EXOC6B: variants seen among roughly 807,000 people sequenced by gnomAD.
EXOC6B encodes the protein exocyst complex component 6B.
A neutral mutation model predicts 113.5 loss-of-function variants in EXOC6B; 54 were observed. The observed-to-expected ratio is 0.48, with a 90% CI of 0.38 to 0.60. The LOEUF (loss-of-function observed/expected upper bound fraction) is 0.60. Among genes scored for constraint, EXOC6B ranks in the 20% least tolerant of loss-of-function variants. EXOC6B has a pLI of 0.00. For missense variants in EXOC6B, 797 were observed against 977.5 expected, an observed-to-expected ratio of 0.82 and a Z score of 2.46; for synonymous variants, 357 against 339.0, an observed-to-expected ratio of 1.05 and a Z score of -0.58.
At chr2:72,507,833 G>C (rs1390342962) in intron 11 of EXOC6B, among the ~76,000 whole-genome samples, 2 of 151,780 alleles carry the variant, frequency 1.3e-5, no homozygotes, top group African/African-American at 2.4e-5. Context: ...AAAGTGTCCT[G>C]CTCTTAATAG....
chr2:72,753,388 C>G (rs976961621), intron 1 of EXOC6B, among the ~76,000 whole-genome samples: 3 of 152,186 alleles, frequency 2.0e-5, no homozygotes, highest in Admixed American at 2.0e-4. Context: ...CTCACTTCAC[C>G]TCACACCTCC....
intron 1 of EXOC6B, among the ~76,000 whole-genome samples, chr2:72,808,602 T>C (rs1559019648): frequency 6.6e-6 from 1 of 151,964 alleles, no homozygotes; most frequent in African/African-American, 2.4e-5. Flanking sequence ...CTACAACAAA[T>C]AAACTAATTA....
Position 72,685,843 on chromosome 2 carries a change from A to G in EXOC6B, c.669+32260T>C, listed in dbSNP as rs79685966. On this transcript the variant is annotated intron_variant, in intron 6 of 21. Transcript: ENST00000272427. ...AGGACATGTTTTGCTTTTTGAGACA[A>G]TCAGGAACTATTGGGTACAGGAAGC... Among the ~76,000 whole-genome samples the G allele has an allele frequency of 6.6e-3, 1,007 of 152,358 alleles. 9 individuals carry two copies. The highest frequency in any genetic ancestry group is 0.023 in the African/African-American group (968 of 41,588).
chr2:72,188,826 A>G (rs1038346035), intron 20 of EXOC6B, among the ~76,000 whole-genome samples: 2 of 152,246 alleles, frequency 1.3e-5, no homozygotes, highest in Admixed American at 6.5e-5. Flanking sequence ...TAAGCATAGT[A>G]TAAAGAGCAA....
intron 7 of EXOC6B, 139 bp downstream of exon 7, chr2:72,575,353 C>A: frequency 1.5e-6 from 1 of 683,372 alleles, no homozygotes; most frequent in Non-Finnish European, 2.2e-6. Context: ...TTAAATTGAG[C>A]CTTATTTGTA....
chr2:72,416,351 G>C (rs1249849116), intron 18 of EXOC6B, among the ~76,000 whole-genome samples: 9 of 152,166 alleles, frequency 5.9e-5, no homozygotes. Context: ...CAGATCTTGT[G>C]ATAACCCTTA....
chr2:72,455,643 A>T (rs1311021877), intron 18 of EXOC6B, among the ~76,000 whole-genome samples: 1 of 152,172 alleles, frequency 6.6e-6, no homozygotes, highest in East Asian at 1.9e-4. Flanking sequence ...CTAATGTGTA[A>T]GCTAATCTAA....
intron 6 of EXOC6B, among the ~76,000 whole-genome samples, chr2:72,707,290 T>C (rs185323106): frequency 6.6e-6 from 1 of 152,334 alleles, no homozygotes; most frequent in East Asian, 1.9e-4. Context: ...TGGAATATCT[T>C]ACACAGCTTT....
intron 6 of EXOC6B, among the ~76,000 whole-genome samples, chr2:72,698,620 A>G (rs982827531): frequency 6.6e-6 from 1 of 152,058 alleles, no homozygotes; most frequent in African/African-American, 2.4e-5. Context: ...CAAGAAAAAA[A>G]TAAGTGGCAA....
At chr2:72,310,085 G>A (rs1050119285) in intron 20 of EXOC6B, among the ~76,000 whole-genome samples, 8 of 152,142 alleles carry the variant, frequency 5.3e-5, no homozygotes, top group African/African-American at 9.7e-5. Context: ...GGTGAACAGC[G>A]CTGCTATAAA....
At chr2:72,557,266 A>T (rs964801265) in intron 8 of EXOC6B, among the ~76,000 whole-genome samples, 7 of 137,672 alleles carry the variant, frequency 5.1e-5, no homozygotes, top group African/African-American at 1.9e-4. Flanking sequence ...AATGGAAAAA[A>T]ATATAATGAA....
intron 19 of EXOC6B, among the ~76,000 whole-genome samples, chr2:72,338,964 T>TACACATACACAC (rs1369428147): frequency 8.7e-5 from 10 of 114,384 alleles, no homozygotes; most frequent in African/African-American, 3.8e-4. Context: ...CACATACACA[T>TACACATACACAC]ACATACACAT....
intron 8 of EXOC6B, among the ~76,000 whole-genome samples, chr2:72,533,979 T>A (rs1047667733): frequency 6.6e-6 from 1 of 152,178 alleles, no homozygotes; most frequent in African/African-American, 2.4e-5. Context: ...ACTGAGCAGA[T>A]AAATTAATCT....
chr2:72,385,629 C>A (rs886907053), intron 18 of EXOC6B, among the ~76,000 whole-genome samples: 1 of 151,996 alleles, frequency 6.6e-6, no homozygotes, highest in Non-Finnish European at 1.5e-5. Context: ...AAGGAGTTAA[C>A]ATCCAAACTA....
chr2:72,530,412 T>C (rs779765233), intron 8 of EXOC6B, among the ~76,000 whole-genome samples: 14 of 152,314 alleles, frequency 9.2e-5, no homozygotes, highest in Admixed American at 3.3e-4. Context: ...GGAGATTTTC[T>C]TGTTATCGTT....
Position 72,708,225 on chromosome 2 carries a change from A to G in EXOC6B, c.669+9878T>C, listed in dbSNP as rs747275396. Among the ~76,000 whole-genome samples the G allele has an allele frequency of 2.4e-4, 37 of 152,212 alleles. 1 individual carries two copies. The highest frequency in any genetic ancestry group is 2.4e-4 in the Non-Finnish European group (16 of 68,038). ...GGAAAGGCAAACATATAAACAATAG[A>G]TAGGGAAAGGACATGGAAAAATAGC... On this transcript the variant is annotated intron_variant, in intron 6 of 21. Transcript: ENST00000272427.
At chr2:72,331,936 T>A (rs1363848228) in intron 20 of EXOC6B, among the ~76,000 whole-genome samples, 1 of 152,130 alleles carries the variant, frequency 6.6e-6, no homozygotes, top group Non-Finnish European at 1.5e-5. Context: ...TAAATGACCG[T>A]TATTATAGTC....
At chr2:72,485,856 T>C (rs1009006021) in intron 16 of EXOC6B, among the ~76,000 whole-genome samples, 5 of 152,216 alleles carry the variant, frequency 3.3e-5, no homozygotes, top group Non-Finnish European at 4.4e-5. Context: ...GTATGTCTAG[T>C]GCACTACATC....
intron 19 of EXOC6B, among the ~76,000 whole-genome samples, chr2:72,363,597 C>CTGATGA (rs565740332): frequency 0.018 from 2,778 of 151,364 alleles, 103 homozygotes; most frequent in African/African-American, 0.064. Flanking sequence ...ACTGCTGCTA[C>CTGATGA]TGATGATGAT....
Sources: allele counts gnomAD v4.1 joint callset (sites outside exome capture counted in the v4.1 genomes callset), GRCh38; gene constraint gnomAD v4.1.1; transcripts MANE v1.5; gene names NCBI Gene and HGNC (gene_info 2026-07-23, HGNC 2026-07-21).